ANK2: variants seen among roughly 807,000 people sequenced by gnomAD.
ANK2 encodes ankyrin-2.
A neutral mutation model predicts 360.5 loss-of-function variants in ANK2; 83 were observed. The observed-to-expected ratio is 0.23, with a 90% CI of 0.19 to 0.28. ANK2 has a LOEUF of 0.28. Ranked by LOEUF, ANK2 falls within the 10% of genes least tolerant of loss-of-function variation. The pLI is 1.00. For missense variants in ANK2, 4,201 were observed against 4,795.7 expected (o/e 0.88, Z 3.66); for synonymous variants, 1,740 against 1,759.5 (o/e 0.99, Z 0.28).
intron 2 of ANK2, among the ~76,000 whole-genome samples, chr4:112,915,579 C>T (rs375343063): frequency 7.3e-4 from 111 of 151,808 alleles, no homozygotes; most frequent in African/African-American, 2.5e-3. Context: ...GGTGAATCCC[C>T]GTCTCTACAA....
chr4:113,232,113 C>G (rs766722516), intron 4 of ANK2, 48 bp from the exon 5 acceptor site: 2 of 1,353,238 alleles, frequency 1.5e-6, no homozygotes, highest in Non-Finnish European at 2.1e-6. Flanking sequence ...CTAGTGTTCT[C>G]TCTTATACAA....
At chr4:113,080,629 A>C (rs1433708747) in intron 1 of ANK2, among the ~76,000 whole-genome samples, 1 of 152,186 alleles carries the variant, frequency 6.6e-6, no homozygotes, top group Non-Finnish European at 1.5e-5. Context: ...AATATATATT[A>C]AATATAATGT....
chr4:112,857,490 T>C (rs2066728627), intron 1 of ANK2, among the ~76,000 whole-genome samples: 1 of 152,194 alleles, frequency 6.6e-6, no homozygotes, highest in African/African-American at 2.4e-5. Context: ...GAAAAACTAC[T>C]GGGAAATACT....
chr4:113,262,105 C>A (rs923384475), intron 13 of ANK2, among the ~76,000 whole-genome samples: 2 of 152,216 alleles, frequency 1.3e-5, no homozygotes, highest in Admixed American at 1.3e-4. Flanking sequence ...ATAGGAATTC[C>A]TGGGACCTCT....
intron 1 of ANK2, among the ~76,000 whole-genome samples, chr4:113,088,410 A>C (rs1323911383): frequency 6.6e-6 from 1 of 152,210 alleles, no homozygotes; most frequent in Non-Finnish European, 1.5e-5. Context: ...AAACATGAGC[A>C]TCATCTTTGA....
the ANK2 span, among the ~76,000 whole-genome samples, chr4:112,766,818 C>T: frequency 2.0e-5 from 3 of 152,228 alleles, no homozygotes; most frequent in African/African-American, 7.2e-5. Flanking sequence ...GTGTCTTTTC[C>T]CTCACCCAAG....
chr4:113,010,035 T>G (rs1375952133), intron 2 of ANK2, among the ~76,000 whole-genome samples: 4 of 152,092 alleles, frequency 2.6e-5, no homozygotes, highest in Non-Finnish European at 5.9e-5. Context: ...AATCCTCACA[T>G]GGCAAAAGGT....
intron 1 of ANK2, among the ~76,000 whole-genome samples, chr4:113,166,404 T>C (rs1046448911): frequency 6.6e-5 from 10 of 152,062 alleles, no homozygotes; most frequent in Admixed American, 6.6e-4. Flanking sequence ...TCTTCAAAAA[T>C]GAGCGTATAT....
At position 113,357,828 on chromosome 4, in the gene ANK2, G is replaced by A. The variant is rs750360259; in HGVS notation, c.9210G>A (p.Met3070Ile). Residue 3070 changes from methionine (M) to isoleucine (I), a missense_variant, in exon 38 of 46, where the codon ATG (methionine) becomes ATA (isoleucine). Met to Ile is a conservative substitution (Grantham distance 10). This residue lies in a region of ANK2 where 2,642 missense variants were observed against 2,714.5 expected (regional missense o/e 0.97). Coordinates refer to ENST00000357077, the MANE Select transcript of ANK2 (RefSeq NM_001148.6). ...AAGAACAAAAGATATTTGGTTTGAT[G>A]GTAGACAGACAATCACAGGGTACCA... ...KEEEQKIFGL[M>I]VDRQSQGTTP... 6 of 1,613,880 alleles carry A rather than the reference G, an allele frequency of 3.7e-6. No homozygotes were observed. The East Asian group carries it at 1.1e-4, about 30-fold the overall frequency.
the ANK2 span, among the ~76,000 whole-genome samples, chr4:112,749,954 C>T: frequency 2.0e-5 from 3 of 152,150 alleles, no homozygotes; most frequent in African/African-American, 7.2e-5. Flanking sequence ...CCGTGTTGGC[C>T]AGGCTGGTCT....
chr4:112,981,859 G>T (rs2043208782), intron 2 of ANK2, among the ~76,000 whole-genome samples: 1 of 152,114 alleles, frequency 6.6e-6, no homozygotes, highest in African/African-American at 2.4e-5. Flanking sequence ...AGATTGTGTG[G>T]GGGCCAGATT....
intron 1 of ANK2, among the ~76,000 whole-genome samples, chr4:112,834,424 G>A (rs1433005090): frequency 1.3e-5 from 2 of 152,166 alleles, no homozygotes; most frequent in Admixed American, 1.3e-4. Context: ...TTGAAGTTAA[G>A]TGCATGCAGA....
the ANK2 span, among the ~76,000 whole-genome samples, chr4:112,708,647 G>A: frequency 2.6e-5 from 4 of 152,032 alleles, no homozygotes; most frequent in Non-Finnish European, 5.9e-5. Flanking sequence ...CCCATTAGCA[G>A]GTGTAGGTAT....
intron 18 of ANK2, among the ~76,000 whole-genome samples, chr4:113,284,535 A>G (rs1227232979): frequency 1.3e-5 from 2 of 152,218 alleles, no homozygotes; most frequent in Non-Finnish European, 2.9e-5. Flanking sequence ...CCTTTACGGT[A>G]TTCTTCTAAA....
chr4:113,333,087 C>G lies in ANK2; in HGVS notation c.3258C>G (p.Ala1086=), dbSNP rs2153942399. 6.2e-7 allele frequency: 1 copy of G among 1,614,104 alleles called. No homozygotes were observed. Among genetic ancestry groups the G allele is most frequent in the East Asian group, 2.2e-5 (1 of 44,886 alleles). ...PVIVEIPHFA[A]LRGKERELVV... The stretch of plus-strand genomic sequence containing the variant: ...TCGTGGAGATCCCTCACTTTGCGGC[C>G]CTTCGAGGAAAGGAAAGGGAACTGG... The change falls in exon 29 of 46, where the codon GCC becomes GCG. Residue 1086 remains alanine, a synonymous_variant. Coordinates refer to ENST00000357077, the MANE Select transcript of ANK2 (RefSeq NM_001148.6).
Position 113,355,077 on chromosome 4 carries a change from C to T in ANK2, c.6459C>T (p.Phe2153=). 1 of 1,614,094 alleles carries T rather than the reference C, an allele frequency of 6.2e-7. No individual in the cohort carries two copies. Among genetic ancestry groups the T allele is most frequent in the Admixed American group, 1.7e-5 (1 of 60,018 alleles). The change falls in exon 38 of 46, where the codon TTC becomes TTT. Residue 2153 remains phenylalanine (F), a synonymous_variant. Transcript: ENST00000357077. ...ELEDNDKYQQ[F]RLSEETEKAQ... ...AAGACAATGACAAATACCAACAATT[C>T]CGCCTGAGTGAGGAGACAGAAAAGG...
At chr4:113,147,801 A>G (rs1044070369) in intron 1 of ANK2, among the ~76,000 whole-genome samples, 1 of 152,244 alleles carries the variant, frequency 6.6e-6, no homozygotes, top group Non-Finnish European at 1.5e-5. Context: ...AGGACCAAAG[A>G]TCTGCTCTTA....
chr4:113,341,548 T>A, intron 32 of ANK2, 140 bp from the exon 33 acceptor site: 1 of 809,828 alleles, frequency 1.2e-6, no homozygotes, highest in Non-Finnish European at 2.0e-6. Flanking sequence ...TCCTTTGGCC[T>A]TCTCTCATTA....
intron 2 of ANK2, among the ~76,000 whole-genome samples, chr4:113,036,366 A>G (rs2061605833): frequency 6.6e-6 from 1 of 151,964 alleles, no homozygotes; most frequent in African/African-American, 2.4e-5. Context: ...ACACATTTGA[A>G]GAGATACAGA....
Sources: allele counts gnomAD v4.1 joint callset (sites outside exome capture counted in the v4.1 genomes callset), GRCh38; gene constraint gnomAD v4.1.1; regional missense constraint gnomAD v4.1.1; transcripts MANE v1.5; gene names NCBI Gene and HGNC (gene_info 2026-07-23, HGNC 2026-07-21).